Variants in CSMD1 observed in about 807,000 individuals in gnomAD.
CSMD1 encodes the protein CUB and Sushi multiple domains 1.
CSMD1 carries 213 observed loss-of-function variants against 417.5 expected under a neutral mutation model. That is an observed-to-expected ratio of 0.51 (90% CI 0.46 to 0.57). The LOEUF (loss-of-function observed/expected upper bound fraction) is 0.57. CSMD1 is among the 20% of genes least tolerant of loss of function. The probability of loss-of-function intolerance (pLI) is 0.00; values close to 1 mark genes in which losing one functional copy is unlikely to be tolerated. For synonymous variants in CSMD1, 2,862 were observed against 1,736.8 expected (o/e 1.65, Z -16.11); for missense variants, 6,923 against 4,529.7 (o/e 1.53, Z -15.17).
chr8:4,251,198 T>G (rs554299091), intron 3 of CSMD1, among the ~76,000 whole-genome samples: 62 of 152,192 alleles, frequency 4.1e-4, no homozygotes, highest in African/African-American at 1.5e-3. Flanking sequence ...GTGAACAAGT[T>G]TACAATAAAT....
chr8:3,437,290 C>G (rs7821384), intron 12 of CSMD1, among the ~76,000 whole-genome samples: 1 of 151,914 alleles, frequency 6.6e-6, no homozygotes, highest in Admixed American at 6.6e-5. Flanking sequence ...AATGACGGAG[C>G]GGCTCTCAAC....
chr8:4,057,361 C>G (rs527514501), intron 3 of CSMD1, among the ~76,000 whole-genome samples: 2 of 151,710 alleles, frequency 1.3e-5, no homozygotes, highest in Non-Finnish European at 2.9e-5. Context: ...ATGTCCTTCG[C>G]CTACTTTTTG....
chr8:4,899,075 T>C (rs1343357104), intron 1 of CSMD1, among the ~76,000 whole-genome samples: 1 of 152,224 alleles, frequency 6.6e-6, no homozygotes, highest in Non-Finnish European at 1.5e-5. Flanking sequence ...AGCCCTATCC[T>C]GTGATTTAAG....
intron 3 of CSMD1, among the ~76,000 whole-genome samples, chr8:4,228,344 T>A (rs1470725282): frequency 1.3e-5 from 2 of 152,146 alleles, no homozygotes; most frequent in African/African-American, 2.4e-5. Flanking sequence ...AATTCCTCCC[T>A]CCCATTTTCC....
chr8:4,614,148 A>T (rs1436854750), intron 2 of CSMD1, among the ~76,000 whole-genome samples: 1 of 152,040 alleles, frequency 6.6e-6, no homozygotes. Context: ...AGTTCTGATA[A>T]TAATAATAAT....
chr8:3,593,746 T>C (rs1800964168), intron 8 of CSMD1, among the ~76,000 whole-genome samples: 1 of 152,180 alleles, frequency 6.6e-6, no homozygotes, highest in Non-Finnish European at 1.5e-5. Context: ...ACTTCATATA[T>C]CCATTTTAAC....
At chr8:4,582,479 C>T (rs1322367476) in intron 2 of CSMD1, among the ~76,000 whole-genome samples, 2 of 152,202 alleles carry the variant, frequency 1.3e-5, no homozygotes. Flanking sequence ...TCCACTCTTT[C>T]CTCCAGGCAC....
intron 3 of CSMD1, among the ~76,000 whole-genome samples, chr8:4,044,116 T>C (rs1265273051): frequency 1.3e-5 from 2 of 152,192 alleles, no homozygotes; most frequent in East Asian, 3.9e-4. Context: ...TATGATATTT[T>C]CTGGCTCACA....
At chr8:4,286,313 G>A (rs908642667) in intron 3 of CSMD1, among the ~76,000 whole-genome samples, 1 of 152,006 alleles carries the variant, frequency 6.6e-6, no homozygotes, top group Non-Finnish European at 1.5e-5. Context: ...CGTTGTTCTT[G>A]TCACTTTGGA....
intron 11 of CSMD1, among the ~76,000 whole-genome samples, chr8:3,486,837 T>G (rs1818065412): frequency 6.6e-6 from 1 of 152,192 alleles, no homozygotes; most frequent in South Asian, 2.1e-4. Flanking sequence ...GCCCAGTGGT[T>G]TGTTTATCCC....
At chr8:3,863,991 G>C (rs745906351) in intron 5 of CSMD1, among the ~76,000 whole-genome samples, 15 of 152,132 alleles carry the variant, frequency 9.9e-5, no homozygotes, top group Non-Finnish European at 1.5e-4. Context: ...TAGGTTTGTA[G>C]AAAATTCATA....
intron 37 of CSMD1, among the ~76,000 whole-genome samples, chr8:3,170,071 T>C (rs1410652959): frequency 6.6e-6 from 1 of 152,264 alleles, no homozygotes; most frequent in Non-Finnish European, 1.5e-5. Flanking sequence ...TAAAAGCTTC[T>C]ACTCTCCTTT....
At chr8:4,502,292 G>A (rs937641102) in intron 2 of CSMD1, among the ~76,000 whole-genome samples, 14 of 151,934 alleles carry the variant, frequency 9.2e-5, no homozygotes, top group African/African-American at 2.2e-4. Context: ...TAGATTCTCC[G>A]AGGCTCAGTC....
chr8:4,261,698 C>T (rs1803896042), intron 3 of CSMD1, among the ~76,000 whole-genome samples: 1 of 152,234 alleles, frequency 6.6e-6, no homozygotes, highest in East Asian at 1.9e-4. Flanking sequence ...GCATGAGTCA[C>T]CTCTTCTGGC....
At chr8:3,445,801 A>G (rs573446651) in intron 12 of CSMD1, among the ~76,000 whole-genome samples, 1 of 152,308 alleles carries the variant, frequency 6.6e-6, no homozygotes, top group South Asian at 2.1e-4. Context: ...AAAAGACAAA[A>G]CATAACACCC....
intron 2 of CSMD1, among the ~76,000 whole-genome samples, chr8:4,524,563 C>G (rs1370428509): frequency 8.1e-6 from 1 of 123,010 alleles, no homozygotes; most frequent in Non-Finnish European, 1.7e-5. Flanking sequence ...TTTCATCACA[C>G]TTGGTCTTTT....
intron 5 of CSMD1, among the ~76,000 whole-genome samples, chr8:3,760,713 A>C (rs1229933843): frequency 6.6e-6 from 1 of 152,226 alleles, no homozygotes; most frequent in Non-Finnish European, 1.5e-5. Flanking sequence ...TTGTTTGAGT[A>C]CTTCTCTTAC....
At chr8:4,657,401 C>G (rs1271603149) in intron 1 of CSMD1, among the ~76,000 whole-genome samples, 3 of 152,192 alleles carry the variant, frequency 2.0e-5, no homozygotes, top group South Asian at 2.1e-4. Flanking sequence ...CTTTCTTATT[C>G]ATGTCCATTC....
chr8:3,111,207 C>G (rs769240412), intron 42 of CSMD1, among the ~76,000 whole-genome samples: 8 of 152,106 alleles, frequency 5.3e-5, no homozygotes, highest in Non-Finnish European at 1.0e-4. Flanking sequence ...CCCAAATACA[C>G]AAACAGATAA....
Sources: allele counts gnomAD v4.1 joint callset (sites outside exome capture counted in the v4.1 genomes callset), GRCh38; gene constraint gnomAD v4.1.1; transcripts MANE v1.5; gene names NCBI Gene and HGNC (gene_info 2026-07-23, HGNC 2026-07-21).